SOD2: variants seen among roughly 807,000 people sequenced by gnomAD.
SOD2 encodes the protein superoxide dismutase 2, also known as superoxide dismutase [Mn], mitochondrial.
SOD2 carries 11 observed loss-of-function variants against 27.0 expected under a neutral mutation model. The ratio of observed to expected loss-of-function variants is 0.41; its 90% CI spans 0.26 to 0.67. The LOEUF (loss-of-function observed/expected upper bound fraction) is 0.67. Among genes scored for constraint, SOD2 ranks in the 30% least tolerant of loss-of-function variants. The probability of loss-of-function intolerance (pLI) is 0.34; values close to 1 mark genes in which losing one functional copy is unlikely to be tolerated. For missense variants in SOD2, 250 were observed against 274.5 expected, an observed-to-expected ratio of 0.91 and a Z score of 0.63; for synonymous variants, 105 against 103.0, an observed-to-expected ratio of 1.02 and a Z score of -0.12.
intron 3 of SOD2, 112 bp from the exon 4 acceptor site, chr6:159,685,145 G>C (rs1450601184): frequency 1.2e-5 from 5 of 415,478 alleles, no homozygotes; most frequent in East Asian, 1.4e-4. Flanking sequence ...CAAGAAATTA[G>C]ACAACATCAG....
chr6:159,745,742 A>T (rs1193191537), upstream of SOD2, among the ~76,000 whole-genome samples: 2 of 152,220 alleles, frequency 1.3e-5, no homozygotes, highest in Non-Finnish European at 2.9e-5. Context: ...CTCTGACTTG[A>T]GTATGAAAGA....
intron 1 of SOD2, among the ~76,000 whole-genome samples, chr6:159,733,144 T>C (rs1778691225): frequency 6.6e-6 from 1 of 151,238 alleles, no homozygotes; most frequent in Non-Finnish European, 1.5e-5. Context: ...GATAATAAAC[T>C]GGGCAACAAG....
chr6:159,751,484 T>C (rs775900989), intron 1 of SOD2, among the ~76,000 whole-genome samples: 5 of 152,242 alleles, frequency 3.3e-5, no homozygotes, highest in Non-Finnish European at 7.3e-5. Flanking sequence ...TTGACAATCT[T>C]GCATATCTCT....
intron 1 of SOD2, among the ~76,000 whole-genome samples, chr6:159,717,048 T>A (rs1455911483): frequency 7.9e-5 from 12 of 152,326 alleles, no homozygotes; most frequent in Non-Finnish European, 1.3e-4. Context: ...TTGTACTGAA[T>A]GGGCAACTAG....
intron 1 of SOD2, among the ~76,000 whole-genome samples, chr6:159,711,939 C>G (rs1405695950): frequency 2.4e-5 from 3 of 127,328 alleles, no homozygotes; most frequent in East Asian, 3.0e-4. Context: ...ACAACCACCA[C>G]TCACATTGCT....
At chr6:159,692,979 C>T in intron 1 of SOD2, 116 bp from the exon 2 acceptor site, 5 of 1,342,246 alleles carry the variant, frequency 3.7e-6, no homozygotes, top group Admixed American at 3.0e-5. Context: ...CCCCTCCCTG[C>T]GGATCCCCGC....
At chr6:159,702,641 A>G (rs2475564) in intron 1 of SOD2, among the ~76,000 whole-genome samples, 95,629 of 123,100 alleles carry the variant, frequency 0.78, 37,575 homozygotes, top group South Asian at 0.85. Context: ...AATACAGGGA[A>G]GCTCTATCTC....
At chr6:159,739,007 A>T (rs1779085394) in intron 1 of SOD2, 1 of 1,612,440 alleles carries the variant, frequency 6.2e-7, no homozygotes, top group Non-Finnish European at 8.5e-7. Context: ...TGAGTGAAAC[A>T]GACTTCAAAG....
chr6:159,710,988 ACTCACACTGCTCTGACCT>A (rs1327036132), intron 1 of SOD2, among the ~76,000 whole-genome samples: 13 of 102,730 alleles, frequency 1.3e-4, no homozygotes, highest in South Asian at 4.0e-4. Flanking sequence ...CATAACCACC[ACTCACACTGCTCTGACCT>A]CCATAACCAC....
intron 1 of SOD2, chr6:159,754,998 T>C: frequency 6.4e-7 from 1 of 1,561,590 alleles, no homozygotes; most frequent in Non-Finnish European, 8.7e-7. Flanking sequence ...ATAAACGATA[T>C]TAAAGTTGGT....
intron 1 of SOD2, among the ~76,000 whole-genome samples, chr6:159,706,464 A>C (rs1040362112): frequency 6.6e-6 from 1 of 152,252 alleles, no homozygotes; most frequent in Non-Finnish European, 1.5e-5. Context: ...CAGGCATTGC[A>C]ATCCTAGTCT....
upstream of SOD2, chr6:159,727,568 C>T: frequency 1.0e-6 from 1 of 988,112 alleles, no homozygotes; most frequent in African/African-American, 1.7e-5. Context: ...GGGGTTGCGG[C>T]GGGACTAGGA....
At chr6:159,743,258 G>A (rs1268532585) in intron 1 of SOD2, among the ~76,000 whole-genome samples, 1 of 152,178 alleles carries the variant, frequency 6.6e-6, no homozygotes, top group Non-Finnish European at 1.5e-5. Context: ...TGTTGGTTAG[G>A]CTGGTCTGAA....
In SOD2 at chr6:159,672,288, T is replaced by G. The variant is rs1232197203; in HGVS notation, c.*10205A>C. On this transcript the variant is annotated 3_prime_UTR_variant, in exon 5 of 5. Coordinates refer to ENST00000538183, the MANE Select transcript of SOD2 (RefSeq NM_000636.4). Reference sequence around the variant, plus strand: ...GAAGAGCAACTCCAAGACACATAATTGTCAGATTCACCAAAGTTGAAATGA... The same window carrying G: ...GAAGAGCAACTCCAAGACACATAATGGTCAGATTCACCAAAGTTGAAATGA... The G allele has an allele frequency of 1.3e-5, 2 of 152,006 alleles. No individual in the cohort carries two copies. Among genetic ancestry groups the G allele is most frequent in the Non-Finnish European group, 2.9e-5 (2 of 67,996 alleles). 9.4% of individuals were successfully genotyped at this position (152,006 alleles called of 1,614,324 possible). A position where few individuals can be genotyped will look rare whatever the true frequency, so the allele number is the denominator to read the frequency against.
upstream of SOD2, among the ~76,000 whole-genome samples, chr6:159,731,140 CAAAAAAAA>C (rs1182389602): frequency 2.0e-5 from 3 of 149,956 alleles, no homozygotes; most frequent in African/African-American, 7.4e-5. Context: ...GACTACGTCT[CAAAAAAAA>C]GAAAAAAAGA....
intron 2 of SOD2, among the ~76,000 whole-genome samples, chr6:159,688,738 T>C (rs1025230594): frequency 1.3e-5 from 2 of 152,132 alleles, no homozygotes; most frequent in Non-Finnish European, 2.9e-5. Context: ...TCTCAGTAAA[T>C]GCCAGCTCTG....
At chr6:159,737,433 A>G (rs557397124) in intron 1 of SOD2, among the ~76,000 whole-genome samples, 40 of 152,176 alleles carry the variant, frequency 2.6e-4, no homozygotes, top group Non-Finnish European at 4.6e-4. Flanking sequence ...AATTTGAAAC[A>G]TTTTTAAGGA....
chr6:159,706,506 CA>C (rs1302878871), intron 1 of SOD2, among the ~76,000 whole-genome samples: 2 of 152,022 alleles, frequency 1.3e-5, no homozygotes, highest in African/African-American at 4.8e-5. Context: ...CAACAAAGAT[CA>C]AAAGAGACAA....
rs1334415504 is a variant in SOD2 at position 159,693,110 on chromosome 6, C to T, written c.23+35G>A. 3.3e-6 allele frequency: 5 copies of T among 1,526,660 alleles called. No homozygotes were observed. In the African/African-American group the frequency reaches 4.3e-5, roughly 13 times the overall value. The allele number at this position is 1,526,660 out of a possible 1,614,324, so 94.6% of individuals were successfully genotyped here. On this transcript the variant is annotated intron_variant, in intron 1 of 4. Coordinates refer to ENST00000538183, the MANE Select transcript of SOD2 (RefSeq NM_000636.4). Reference sequence around the variant, plus strand: ...CCCTGCCCGCCGCGAGCCCCTTCGCCCTTGGGGCCGTGACCGGGTCCCCTT... The same window carrying T: ...CCCTGCCCGCCGCGAGCCCCTTCGCTCTTGGGGCCGTGACCGGGTCCCCTT...
Sources: gnomAD v4.1 joint callset for allele counts (sites outside exome capture counted in the v4.1 genomes callset) on GRCh38, gnomAD v4.1.1 for gene constraint, MANE v1.5 for transcripts, NCBI Gene and HGNC (gene_info 2026-07-23, HGNC 2026-07-21) for gene names.